LHX4: variants seen among roughly 807,000 people sequenced by gnomAD.
LHX4 encodes the protein LIM homeobox 4.
A neutral mutation model predicts 39.2 loss-of-function variants in LHX4; 16 were observed. That is an observed-to-expected ratio of 0.41 (90% CI 0.28 to 0.62). The LOEUF (loss-of-function observed/expected upper bound fraction) is 0.62. Among genes scored for constraint, LHX4 ranks in the 20% least tolerant of loss-of-function variants. The pLI, the probability that LHX4 is intolerant of heterozygous loss-of-function variation, is 0.33. For synonymous variants in LHX4, 206 were observed against 198.1 expected, an observed-to-expected ratio of 1.04 and a Z score of -0.33; for missense variants, 439 against 511.9, an observed-to-expected ratio of 0.86 and a Z score of 1.37.
In LHX4 at chr1:180,256,774, A is replaced by C. The variant is rs185826933; in HGVS notation, c.248+8318A>C. ...CCCCGATGCGTCTCCCGCTCGGGGG[A>C]GTTTGCTCACAGCTGAGCTAGCAGC... On this transcript the variant is annotated intron_variant, in intron 2 of 5. Coordinates refer to ENST00000263726, the MANE Select transcript of LHX4 (RefSeq NM_033343.4). Among the ~76,000 whole-genome samples the C allele has an allele frequency of 3.9e-4, 59 of 151,942 alleles. 1 individual carries two copies. Among genetic ancestry groups the C allele is most frequent in the Non-Finnish European group, 6.5e-4 (44 of 67,948 alleles).
chr1:180,271,767 G>C, intron 4 of LHX4, 68 bp from the exon 5 acceptor site: 1 of 1,575,560 alleles, frequency 6.3e-7, no homozygotes. Context: ...CGCCCGCCTA[G>C]GGGGTCCTGG....
At chr1:180,251,101 C>T (rs1208912612) in intron 2 of LHX4, among the ~76,000 whole-genome samples, 1 of 152,242 alleles carries the variant, frequency 6.6e-6, no homozygotes, top group Non-Finnish European at 1.5e-5. Flanking sequence ...GGTGGGCCTT[C>T]CCGCCAGGTG....
chr1:180,255,463 C>G (rs1157610826), intron 2 of LHX4, among the ~76,000 whole-genome samples: 1 of 152,276 alleles, frequency 6.6e-6, no homozygotes, highest in Non-Finnish European at 1.5e-5. Flanking sequence ...AGGGGTGTGT[C>G]TCTTTGATGT....
chr1:180,269,140 TGGG>T (rs34208363), intron 3 of LHX4, among the ~76,000 whole-genome samples: 78,620 of 151,434 alleles, frequency 0.52, 22,153 homozygotes, highest in African/African-American at 0.73. Context: ...GTAGAGTGTG[TGGG>T]GGGGGGGGTG....
At chr1:180,229,406 C>T (rs1427864150), upstream of LHX4, among the ~76,000 whole-genome samples, 1 of 152,110 alleles carries the variant, frequency 6.6e-6, no homozygotes, top group Non-Finnish European at 1.5e-5. Context: ...CTGCAGGCCG[C>T]GGTCTGCGGG....
intron 2 of LHX4, 193 bp downstream of exon 2, chr1:180,248,649 G>A (rs995443497): frequency 1.5e-6 from 1 of 680,442 alleles, no homozygotes; most frequent in Non-Finnish European, 2.6e-6. Context: ...ACTGCCAGAG[G>A]TTCAGCCTCT....
chr1:180,262,392 C>T (rs1223592082), intron 2 of LHX4, among the ~76,000 whole-genome samples: 1 of 152,022 alleles, frequency 6.6e-6, no homozygotes, highest in African/African-American at 2.4e-5. Flanking sequence ...GCCTCCTTTT[C>T]CCTGTCATGC....
intron 3 of LHX4, among the ~76,000 whole-genome samples, chr1:180,267,043 A>G (rs1311929133): frequency 6.6e-6 from 1 of 152,046 alleles, no homozygotes; most frequent in East Asian, 1.9e-4. Context: ...GTGAGAGCCC[A>G]GCACTGGCCT....
intron 3 of LHX4, chr1:180,271,054 GT>G (rs1648618500): frequency 2.5e-6 from 1 of 404,084 alleles, no homozygotes; most frequent in South Asian, 2.1e-5. Flanking sequence ...TGAGCAGAGT[GT>G]TTGTCATGAC....
chr1:180,234,197 ATATATATATATATATATATATAT>A lies in LHX4; in HGVS notation c.76+3593_76+3615del, dbSNP rs1664255125. Among the ~76,000 whole-genome samples, 5 of 90,294 alleles carry A rather than the reference ATATATATATATATATATATATAT, an allele frequency of 5.5e-5. No individual in the cohort carries two copies. Among genetic ancestry groups the A allele is most frequent in the Non-Finnish European group, 6.2e-5 (3 of 48,368 alleles). 59.2% of individuals were successfully genotyped at this position (90,294 alleles called of 152,430 possible). On this transcript the variant is annotated intron_variant, in intron 1 of 5. Transcript: ENST00000263726. The surrounding 1 kb of genome is among the most constrained non-coding windows in gnomAD (Gnocchi z 4.8). ...TATATATATATATATATATATATAT[ATATATATATATATATATATATAT>A]AATAGATTGAGATTCTATCATATTC...
chr1:180,230,489 G>C lies in LHX4; in HGVS notation c.-41G>C. ...GAATCGAGCTAGAGCGAGAGAGCGA[G>C]AGATCTCCGTAGACTGCGACTCGCT... On this transcript the variant is annotated 5_prime_UTR_variant, in exon 1 of 6. Transcript: ENST00000263726. The surrounding 1 kb of genome is among the most constrained non-coding windows in gnomAD (Gnocchi z 5.8). 4 of 1,538,050 alleles carry C rather than the reference G, an allele frequency of 2.6e-6. No homozygotes were observed. The highest frequency in any genetic ancestry group is 3.6e-6 in the Non-Finnish European group (4 of 1,112,452).
At chr1:180,274,053 C>G (rs907646410) in intron 5 of LHX4, 132 bp from the exon 6 acceptor site, 1 of 1,130,896 alleles carries the variant, frequency 8.8e-7, no homozygotes, top group Non-Finnish European at 1.3e-6. Context: ...GTGTGTCTGA[C>G]CCATGCTTGG....
In LHX4 at chr1:180,274,441, G is replaced by A; in HGVS notation, c.1035G>A (p.Gly345=). 1 of 1,614,190 alleles carries A rather than the reference G, an allele frequency of 6.2e-7. No homozygotes were observed. The highest frequency in any genetic ancestry group is 8.5e-7 in the Non-Finnish European group (1 of 1,180,042). Residue 345 remains glycine (G), a synonymous_variant, in exon 6 of 6, where the codon GGG becomes GGA. Transcript: ENST00000263726. ...DSNLGIIAHA[G]QGVSQTLRAM... is the part of the protein sequence containing the mutation. ...ATTTGGGCATCATTGCGCATGCAGG[G>A]CAGGGAGTAAGCCAGACGCTGAGAG... is the stretch of plus-strand genomic sequence containing the variant.
chr1:180,247,476 C>T (rs1647434842), intron 1 of LHX4, among the ~76,000 whole-genome samples: 1 of 152,328 alleles, frequency 6.6e-6, no homozygotes, highest in South Asian at 2.1e-4. Flanking sequence ...CAAAGCACTT[C>T]ATCGCCTCCG....
intron 2 of LHX4, among the ~76,000 whole-genome samples, chr1:180,253,409 G>A (rs1647706433): frequency 6.6e-6 from 1 of 152,258 alleles, no homozygotes. Context: ...CCTGTCGGCA[G>A]CCAGCTGGGT....
chr1:180,259,035 A>G (rs754530641), intron 2 of LHX4, among the ~76,000 whole-genome samples: 11 of 151,980 alleles, frequency 7.2e-5, no homozygotes, highest in Admixed American at 6.6e-4. Context: ...TGTGCTGTAG[A>G]GGCAGTGGAG....
At position 180,274,970 on chromosome 1, in the gene LHX4, A is replaced by C; in HGVS notation, c.*391A>C. 5.6e-6 allele frequency: 1 copy of C among 179,354 alleles called. No homozygotes were observed. Among genetic ancestry groups the C allele is most frequent in the Non-Finnish European group, 1.2e-5 (1 of 84,698 alleles). 11.1% of individuals were successfully genotyped at this position (179,354 alleles called of 1,614,324 possible). Reference sequence around the variant, plus strand: ...GGTGTGTCTCACACAATGCCTCCCAAAACACTGCTCTCACCAGAACTGAGA... The same window carrying C: ...GGTGTGTCTCACACAATGCCTCCCACAACACTGCTCTCACCAGAACTGAGA... On this transcript the variant is annotated 3_prime_UTR_variant, in exon 6 of 6. Transcript: ENST00000263726.
intron 2 of LHX4, among the ~76,000 whole-genome samples, chr1:180,249,959 TGTGA>T (rs913065967): frequency 6.0e-5 from 9 of 150,606 alleles, no homozygotes; most frequent in Non-Finnish European, 1.3e-4. Context: ...AGTGTGAGAG[TGTGA>T]GTGTTGTGTG....
intron 1 of LHX4, among the ~76,000 whole-genome samples, chr1:180,241,284 C>T (rs527927470): frequency 6.6e-6 from 1 of 151,998 alleles, no homozygotes; most frequent in Non-Finnish European, 1.5e-5. Flanking sequence ...TCCAGGATCA[C>T]GTTGATTAAA....
Sources: allele counts gnomAD v4.1 joint callset (sites outside exome capture counted in the v4.1 genomes callset), GRCh38; gene constraint gnomAD v4.1.1; non-coding constraint Gnocchi (gnomAD v3.1); transcripts MANE v1.5; gene names NCBI Gene and HGNC (gene_info 2026-07-23, HGNC 2026-07-21).